Variants in OTUD7A observed in about 807,000 individuals in gnomAD.
OTUD7A encodes OTU deubiquitinase 7A, also known as OTU domain-containing protein 7A.
Under a neutral mutation model 65.7 loss-of-function variants are expected in OTUD7A, and 12 were observed. The observed-to-expected ratio is 0.18, with a 90% CI of 0.12 to 0.30. The LOEUF (loss-of-function observed/expected upper bound fraction) is 0.30, where lower values mean the gene tolerates loss of function less well. Ranked by LOEUF, OTUD7A falls within the 10% of genes least tolerant of loss-of-function variation. The probability of loss-of-function intolerance (pLI) is 1.00; values close to 1 mark genes in which losing one functional copy is unlikely to be tolerated. For missense variants in OTUD7A, 1,148 were observed against 1,304.8 expected, an observed-to-expected ratio of 0.88 and a Z score of 1.85; for synonymous variants, 641 against 586.3, an observed-to-expected ratio of 1.09 and a Z score of -1.35.
intron 3 of OTUD7A, among the ~76,000 whole-genome samples, chr15:31,590,233 G>C (rs911522219): frequency 6.6e-6 from 1 of 152,152 alleles, no homozygotes; most frequent in Non-Finnish European, 1.5e-5. Context: ...TGTAGCTTAC[G>C]ATCAATAGGT....
intron 3 of OTUD7A, among the ~76,000 whole-genome samples, chr15:31,647,834 G>T (rs1891721671): frequency 6.6e-6 from 1 of 151,924 alleles, no homozygotes; most frequent in Non-Finnish European, 1.5e-5. Context: ...GGGAGTTCAT[G>T]ATCCATCGTG....
intron 3 of OTUD7A, among the ~76,000 whole-genome samples, chr15:31,621,307 A>T (rs1310481758): frequency 1.3e-5 from 2 of 152,232 alleles, no homozygotes; most frequent in Non-Finnish European, 2.9e-5. Flanking sequence ...GCTGAGTTCA[A>T]TTCCTGGATA....
intron 4 of OTUD7A, among the ~76,000 whole-genome samples, chr15:31,567,513 A>G (rs35879417): frequency 0.063 from 8,689 of 137,856 alleles, 567 homozygotes; most frequent in African/African-American, 0.2. Context: ...CAGCCTAGCC[A>G]TGTGGCAAAG....
intron 1 of OTUD7A, among the ~76,000 whole-genome samples, chr15:31,844,324 G>C (rs1300358833): frequency 6.6e-6 from 1 of 152,232 alleles, no homozygotes; most frequent in Non-Finnish European, 1.5e-5. Context: ...GACCAGCATA[G>C]TGAAACCCCG....
chr15:31,514,917 T>C lies in OTUD7A; in HGVS notation c.894-11099A>G, dbSNP rs542427613. ...ATGCCAGGTCTAAATGCAGTGCTCC[T>C]GGGTGTGCATTTTGAAACACTGCAG... On this transcript the variant is annotated intron_variant, in intron 8 of 12. Coordinates refer to ENST00000307050, the MANE Select transcript of OTUD7A (RefSeq NM_001382637.1). 5.4e-4 allele frequency among the ~76,000 whole-genome samples: 82 copies of C among 152,352 alleles called. 2 individuals are homozygous for C. The South Asian group carries it at 0.016, about 30-fold the overall frequency.
chr15:31,795,477 G>A (rs1277609920), intron 1 of OTUD7A, among the ~76,000 whole-genome samples: 1 of 152,122 alleles, frequency 6.6e-6, no homozygotes, highest in Admixed American at 6.5e-5. Flanking sequence ...AGAGAGAATT[G>A]GAGTTGGGGG....
chr15:31,549,949 A>G (rs567218446), intron 5 of OTUD7A, among the ~76,000 whole-genome samples: 1 of 151,968 alleles, frequency 6.6e-6, no homozygotes, highest in Admixed American at 6.5e-5. Context: ...AAAATACAAA[A>G]ATTAGCTGGG....
chr15:31,524,337 C>A (rs2041980666), intron 8 of OTUD7A, among the ~76,000 whole-genome samples: 1 of 152,156 alleles, frequency 6.6e-6, no homozygotes, highest in African/African-American at 2.4e-5. Flanking sequence ...AAAGAGGAGA[C>A]TTAATGATCA....
chr15:31,678,415 A>C (rs1892639850), intron 1 of OTUD7A, among the ~76,000 whole-genome samples: 1 of 152,242 alleles, frequency 6.6e-6, no homozygotes, highest in African/African-American at 2.4e-5. Flanking sequence ...AAATGTCTCC[A>C]GGGCATGTCA....
intron 3 of OTUD7A, among the ~76,000 whole-genome samples, chr15:31,593,326 T>C (rs1445884351): frequency 6.6e-6 from 1 of 151,874 alleles, no homozygotes; most frequent in African/African-American, 2.4e-5. Flanking sequence ...CTGAGACACG[T>C]GCCCAGGTGA....
intron 1 of OTUD7A, among the ~76,000 whole-genome samples, chr15:31,745,356 G>C (rs777127375): frequency 1.3e-5 from 2 of 151,994 alleles, no homozygotes; most frequent in Non-Finnish European, 2.9e-5. Flanking sequence ...TAAATCAATG[G>C]GACAAAGATG....
chr15:31,641,670 T>C (rs7165528), intron 3 of OTUD7A, among the ~76,000 whole-genome samples: 27,075 of 152,194 alleles, frequency 0.18, 2,626 homozygotes, highest in East Asian at 0.25. Context: ...TTTTGGATGC[T>C]ACTGAATAAA....
intron 1 of OTUD7A, chr15:31,767,900 A>G: frequency 6.7e-7 from 1 of 1,490,232 alleles, no homozygotes; most frequent in Non-Finnish European, 9.4e-7. Context: ...AGGAAATCTG[A>G]AGAGCTGGTT....
At chr15:31,548,013 T>A (rs534054916) in intron 5 of OTUD7A, among the ~76,000 whole-genome samples, 5 of 152,384 alleles carry the variant, frequency 3.3e-5, no homozygotes, top group Non-Finnish European at 4.4e-5. Context: ...GGTAGGCTTC[T>A]TGCCACGCTT....
intron 3 of OTUD7A, among the ~76,000 whole-genome samples, chr15:31,602,568 A>G (rs540062550): frequency 6.6e-6 from 1 of 152,336 alleles, no homozygotes; most frequent in African/African-American, 2.4e-5. Flanking sequence ...CCTCTTCACC[A>G]TTCCTATTCA....
intron 1 of OTUD7A, among the ~76,000 whole-genome samples, chr15:31,660,156 G>C (rs1419809593): frequency 6.6e-6 from 1 of 152,278 alleles, no homozygotes; most frequent in African/African-American, 2.4e-5. Context: ...CCCTGTTAAG[G>C]GGGTGAATGG....
intron 1 of OTUD7A, among the ~76,000 whole-genome samples, chr15:31,770,785 A>G (rs774412082): frequency 2.0e-5 from 3 of 152,248 alleles, no homozygotes; most frequent in Non-Finnish European, 4.4e-5. Flanking sequence ...TAACAGAATA[A>G]ATGAAAACGC....
chr15:31,773,676 A>C (rs1293966846), intron 1 of OTUD7A, among the ~76,000 whole-genome samples: 1 of 152,194 alleles, frequency 6.6e-6, no homozygotes, highest in Admixed American at 6.5e-5. Flanking sequence ...AATTTAGGGG[A>C]CTTTGTTAAT....
At chr15:31,829,334 G>C (rs1896874806) in intron 1 of OTUD7A, among the ~76,000 whole-genome samples, 1 of 152,146 alleles carries the variant, frequency 6.6e-6, no homozygotes, top group Admixed American at 6.5e-5. Context: ...TTCCAGACAG[G>C]GAGGCCTCCC....
Sources: gnomAD v4.1 joint callset for allele counts (sites outside exome capture counted in the v4.1 genomes callset) on GRCh38, gnomAD v4.1.1 for gene constraint, MANE v1.5 for transcripts, NCBI Gene and HGNC (gene_info 2026-07-23, HGNC 2026-07-21) for gene names.